The following KLHL1 variants were observed in gnomAD, a reference collection of about 807,000 sequenced individuals.
The protein encoded by KLHL1 is kelch-like protein 1.
A neutral mutation model predicts 77.7 loss-of-function variants in KLHL1; 47 were observed. That is an observed-to-expected ratio of 0.60 (90% CI 0.48 to 0.77). The LOEUF (loss-of-function observed/expected upper bound fraction) is 0.77, where lower values mean the gene tolerates loss of function less well. Ranked by LOEUF, KLHL1 falls within the 30% of genes least tolerant of loss-of-function variation. The pLI, the probability that KLHL1 is intolerant of heterozygous loss-of-function variation, is 0.00. For synonymous variants in KLHL1, 360 were observed against 325.2 expected, an observed-to-expected ratio of 1.11 and a Z score of -1.15; for missense variants, 925 against 910.8, an observed-to-expected ratio of 1.02 and a Z score of -0.20.
At chr13:69,973,810 T>C (rs940802833) in intron 2 of KLHL1, among the ~76,000 whole-genome samples, 1 of 152,058 alleles carries the variant, frequency 6.6e-6, no homozygotes, top group Non-Finnish European at 1.5e-5. Flanking sequence ...TAATTAGTAC[T>C]AAAGTTTTAA....
At chr13:69,893,470 A>G (rs930848587) in intron 4 of KLHL1, among the ~76,000 whole-genome samples, 5 of 151,988 alleles carry the variant, frequency 3.3e-5, no homozygotes, top group East Asian at 1.9e-4. Flanking sequence ...TCCTGACCTC[A>G]TGATCCACCC....
chr13:69,961,851 A>T (rs1317490241), intron 2 of KLHL1, among the ~76,000 whole-genome samples: 2 of 151,958 alleles, frequency 1.3e-5, no homozygotes, highest in Non-Finnish European at 2.9e-5. Context: ...TTCTTGTGCC[A>T]ATAAAATAGT....
At chr13:69,758,520 TA>T (rs1874873584) in intron 7 of KLHL1, among the ~76,000 whole-genome samples, 1 of 152,110 alleles carries the variant, frequency 6.6e-6, no homozygotes, top group South Asian at 2.1e-4. Context: ...TCATGCCTTT[TA>T]AAATAAACTT....
intron 1 of KLHL1, among the ~76,000 whole-genome samples, chr13:70,034,642 T>C (rs1368228514): frequency 2.6e-5 from 4 of 152,184 alleles, no homozygotes; most frequent in African/African-American, 4.8e-5. Flanking sequence ...AAAAATGATA[T>C]GCAGTGTATC....
At chr13:70,032,192 T>C (rs1198151620) in intron 1 of KLHL1, among the ~76,000 whole-genome samples, 1 of 152,190 alleles carries the variant, frequency 6.6e-6, no homozygotes, top group Non-Finnish European at 1.5e-5. Context: ...ATGCTATGAC[T>C]ATGGAGTGGT....
intron 7 of KLHL1, among the ~76,000 whole-genome samples, chr13:69,783,895 G>T (rs762404397): frequency 6.6e-6 from 1 of 151,770 alleles, no homozygotes; most frequent in African/African-American, 2.4e-5. Flanking sequence ...CACCAAAGTT[G>T]AAATGAAGGA....
intron 3 of KLHL1, among the ~76,000 whole-genome samples, chr13:69,940,983 T>C (rs1398876617): frequency 6.6e-6 from 1 of 151,986 alleles, no homozygotes; most frequent in Non-Finnish European, 1.5e-5. Context: ...GATTTTATTA[T>C]CATTTAGATT....
rs796739948 is a variant in KLHL1 at position 69,797,815 on chromosome 13, C to T, written c.1415-853G>A. Reference sequence around the variant, plus strand: ...CTGCACCCCAGCCTGGGTGACAGAGCGAGACTCCATCTAAAAAAAAAAAAA... The same window carrying T: ...CTGCACCCCAGCCTGGGTGACAGAGTGAGACTCCATCTAAAAAAAAAAAAA... On this transcript the variant is annotated intron_variant, in intron 6 of 10. Transcript: ENST00000377844. 8.9e-4 allele frequency among the ~76,000 whole-genome samples: 121 copies of T among 135,870 alleles called. 1 individual carries two copies. Among genetic ancestry groups the T allele is most frequent in the African/African-American group, 3.3e-3 (117 of 35,752 alleles). The allele number at this position is 135,870 out of a possible 152,430, so 89.1% of individuals were successfully genotyped here.
intron 7 of KLHL1, among the ~76,000 whole-genome samples, chr13:69,790,041 C>T (rs1410529909): frequency 6.6e-6 from 1 of 152,006 alleles, no homozygotes; most frequent in African/African-American, 2.4e-5. Context: ...AACTATCAAG[C>T]TTCTCTTGGT....
intron 3 of KLHL1, among the ~76,000 whole-genome samples, chr13:69,947,927 G>C (rs1174241716): frequency 1.3e-5 from 2 of 152,044 alleles, no homozygotes; most frequent in African/African-American, 4.8e-5. Flanking sequence ...ATTCACAGTT[G>C]ATTTCAAGGC....
chr13:69,775,734 G>A (rs1158657307), intron 7 of KLHL1, among the ~76,000 whole-genome samples: 1 of 151,784 alleles, frequency 6.6e-6, no homozygotes, highest in Non-Finnish European at 1.5e-5. Context: ...TCTGTCACTA[G>A]GACTGGAGTG....
intron 7 of KLHL1, among the ~76,000 whole-genome samples, chr13:69,768,572 A>G (rs1013904568): frequency 6.6e-6 from 1 of 152,162 alleles, no homozygotes. Flanking sequence ...GAAAATTAAA[A>G]GATAAAACAT....
At chr13:69,820,768 G>T (rs1321134689) in intron 6 of KLHL1, among the ~76,000 whole-genome samples, 1 of 152,204 alleles carries the variant, frequency 6.6e-6, no homozygotes, top group Admixed American at 6.5e-5. Context: ...ACAGGAGGTT[G>T]CCCGTGCTGT....
At chr13:69,916,649 G>C (rs1028615178) in intron 4 of KLHL1, among the ~76,000 whole-genome samples, 5 of 151,788 alleles carry the variant, frequency 3.3e-5, no homozygotes, top group Non-Finnish European at 5.9e-5. Context: ...TAAATGATGA[G>C]TTAGTCGGTG....
At chr13:69,982,481 A>ATAATAAT (rs1438461766) in intron 1 of KLHL1, among the ~76,000 whole-genome samples, 2 of 144,792 alleles carry the variant, frequency 1.4e-5, no homozygotes, top group African/African-American at 2.5e-5. Flanking sequence ...AATAATAATA[A>ATAATAAT]AATAAAAAGC....
intron 4 of KLHL1, among the ~76,000 whole-genome samples, chr13:69,884,766 T>C (rs1398235903): frequency 3.3e-5 from 5 of 152,176 alleles, no homozygotes; most frequent in Non-Finnish European, 5.9e-5. Flanking sequence ...TTATCATGGA[T>C]GTTGTAAATT....
intron 10 of KLHL1, among the ~76,000 whole-genome samples, chr13:69,704,705 C>T (rs1337576249): frequency 6.6e-6 from 1 of 151,584 alleles, no homozygotes. Context: ...AAAAGTTTTC[C>T]TTCTTTTCTC....
intron 8 of KLHL1, among the ~76,000 whole-genome samples, chr13:69,739,663 T>C (rs1873904731): frequency 6.6e-6 from 1 of 152,174 alleles, no homozygotes; most frequent in Non-Finnish European, 1.5e-5. Flanking sequence ...TTGAAGAGGA[T>C]TGACATATTG....
intron 1 of KLHL1, among the ~76,000 whole-genome samples, chr13:70,099,001 G>A (rs1887858882): frequency 6.6e-6 from 1 of 151,500 alleles, no homozygotes; most frequent in Non-Finnish European, 1.5e-5. Flanking sequence ...GTAACTTTTA[G>A]CTTCTTACTC....
Sources: gnomAD v4.1 joint callset for allele counts (sites outside exome capture counted in the v4.1 genomes callset) on GRCh38, gnomAD v4.1.1 for gene constraint, MANE v1.5 for transcripts, NCBI Gene and HGNC (gene_info 2026-07-23, HGNC 2026-07-21) for gene names.